SPATA1: variants seen among roughly 807,000 people sequenced by gnomAD.
SPATA1 encodes the protein spermatogenesis-associated protein 1.
In SPATA1, 57 loss-of-function variants were observed where a neutral mutation model predicts 59.6. The observed-to-expected ratio is 0.96, with a 90% CI of 0.77 to 1.19. SPATA1 has a LOEUF of 1.19. Among genes scored for constraint, SPATA1 ranks in the 50% most tolerant of loss-of-function variants. The pLI, the probability that SPATA1 is intolerant of heterozygous loss-of-function variation, is 0.00. For synonymous variants in SPATA1, 147 were observed against 163.9 expected (o/e 0.90, Z 0.79); for missense variants, 448 against 480.7 (o/e 0.93, Z 0.64).
chr1:84,560,132 AG>A (rs1482174943), intron 4 of SPATA1, among the ~76,000 whole-genome samples: 3 of 149,630 alleles, frequency 2.0e-5, no homozygotes, highest in African/African-American at 5.0e-5. Flanking sequence ...AAAGAAAGAA[AG>A]GAAAGAAAGA....
intron 6 of SPATA1, 185 bp downstream of exon 6, chr1:84,526,258 T>TTAAG: frequency 2.0e-6 from 1 of 494,766 alleles, no homozygotes; most frequent in Admixed American, 3.4e-5. Flanking sequence ...AGAAAACAAT[T>TTAAG]TAAGTACTAT....
intron 8 of SPATA1, among the ~76,000 whole-genome samples, chr1:84,534,609 T>C (rs1683599262): frequency 7.3e-6 from 1 of 137,340 alleles, no homozygotes; most frequent in Non-Finnish European, 1.5e-5. Flanking sequence ...TTTTAATAAC[T>C]ACCTACCTAA....
chr1:84,510,112 A>G (rs541355040), intron 1 of SPATA1, among the ~76,000 whole-genome samples: 1 of 152,286 alleles, frequency 6.6e-6, no homozygotes, highest in Admixed American at 6.5e-5. Flanking sequence ...GGCTGCAGTG[A>G]GCTGTGATCA....
At chr1:84,513,217 C>T (rs999561798) in intron 1 of SPATA1, among the ~76,000 whole-genome samples, 1 of 152,192 alleles carries the variant, frequency 6.6e-6, no homozygotes, top group Non-Finnish European at 1.5e-5. Flanking sequence ...CTCTCCGCAC[C>T]CTCCGTCTCC....
intron 1 of SPATA1, among the ~76,000 whole-genome samples, 153 bp from the exon 2 acceptor site, chr1:84,516,070 G>A (rs755392594): frequency 6.6e-6 from 1 of 152,108 alleles, no homozygotes; most frequent in Non-Finnish European, 1.5e-5. Flanking sequence ...TTACTTAGTT[G>A]TATAGATTTA....
Position 84,511,687 on chromosome 1 carries a change from T to TTTC in SPATA1, c.-137-4534_-137-4533insCTT, listed in dbSNP as rs1558566328. On this transcript the variant is annotated intron_variant, in intron 1 of 12. Transcript: ENST00000490879. ...TTTTTTTTTCTTTCTTTCTTTTTTT[T>TTTC]TTTTTTTTTTTGAGACAGAGTTTTG... Among the ~76,000 whole-genome samples the TTTC allele has an allele frequency of 3.8e-4, 54 of 142,238 alleles. 3 individuals carry two copies. The highest frequency in any genetic ancestry group is 2.4e-3 in the Admixed American group (33 of 13,932). 93.3% of individuals were successfully genotyped at this position (142,238 alleles called of 152,430 possible).
intron 9 of SPATA1, among the ~76,000 whole-genome samples, chr1:84,545,054 C>CA (rs984721481): frequency 3.3e-5 from 5 of 149,506 alleles, no homozygotes; most frequent in African/African-American, 1.2e-4. Context: ...ACTAAAAATA[C>CA]AAAAAAATAC....
rs960067319 is a variant in SPATA1, at chr1:84,548,781, T to C, written c.947-5T>C. ...TTTTTTTTTTTTTTTTTTTTTTTTT[T>C]ATAGCCTACAATGGTTGGAAGAAAA... On this transcript the variant is annotated splice_polypyrimidine_tract_variant and splice_region_variant and intron_variant, in intron 10 of 12. Transcript: ENST00000490879. 6.6e-6 allele frequency: 5 copies of C among 762,560 alleles called. No homozygotes were observed. The highest frequency in any genetic ancestry group is 8.3e-4 in the Middle Eastern group (2 of 2,412). The allele number at this position is 762,560 out of a possible 1,614,324, so 47.2% of individuals were successfully genotyped here. A position where few individuals can be genotyped will look rare whatever the true frequency, so the allele number is the denominator to read the frequency against.
Position 84,522,512 on chromosome 1 carries a change from G to T in SPATA1, c.261+5G>T. ...ATTGGAAATAATTTAGCTGTGGTAA[G>T]TTTTCTTTTTTTTTCTTTCTGATTG... On this transcript the variant is annotated splice_donor_5th_base_variant and intron_variant, in intron 4 of 12. Coordinates refer to ENST00000490879, the Ensembl canonical transcript of SPATA1. The T allele has an allele frequency of 4.8e-6, 7 of 1,471,118 alleles. No individual in the cohort carries two copies. Among genetic ancestry groups the T allele is most frequent in the Non-Finnish European group, 6.4e-6 (7 of 1,096,434 alleles). 91.1% of individuals were successfully genotyped at this position (1,471,118 alleles called of 1,614,324 possible). A position where few individuals can be genotyped will look rare whatever the true frequency, so the allele number is the denominator to read the frequency against.
At position 84,544,310 on chromosome 1, in the gene SPATA1, T is replaced by C. The variant is rs781234626; in HGVS notation, c.820+6T>C. On this transcript the variant is annotated splice_donor_region_variant and intron_variant, in intron 9 of 12. Transcript: ENST00000490879. Reference sequence around the variant, plus strand: ...ATCTTTATTACAAACTGAAAGTAAGTATAGTGCAATCGTAAGTACAGATGA... The same window carrying C: ...ATCTTTATTACAAACTGAAAGTAAGCATAGTGCAATCGTAAGTACAGATGA... 2 of 1,542,954 alleles carry C rather than the reference T, an allele frequency of 1.3e-6. No individual in the cohort carries two copies. Among genetic ancestry groups the C allele is most frequent in the African/African-American group, 1.4e-5 (1 of 73,256 alleles).
At chr1:84,537,955 C>A (rs1683765702) in intron 8 of SPATA1, among the ~76,000 whole-genome samples, 1 of 152,106 alleles carries the variant, frequency 6.6e-6, no homozygotes, top group Non-Finnish European at 1.5e-5. Context: ...GCAGCATGGG[C>A]AATAAGGAAT....
At chr1:84,515,632 T>TTATA (rs1243014203) in intron 1 of SPATA1, among the ~76,000 whole-genome samples, 5 of 152,084 alleles carry the variant, frequency 3.3e-5, no homozygotes, top group Non-Finnish European at 7.4e-5. Flanking sequence ...CTTATATACA[T>TTATA]TATATATTTT....
At chr1:84,560,921 T>A (rs1456944531) in intron 4 of SPATA1, among the ~76,000 whole-genome samples, 3 of 152,204 alleles carry the variant, frequency 2.0e-5, no homozygotes, top group African/African-American at 7.2e-5. Flanking sequence ...TCATTGACAA[T>A]GCACTTGGTC....
intron 2 of SPATA1, among the ~76,000 whole-genome samples, chr1:84,517,322 T>A (rs1355604759): frequency 2.6e-5 from 4 of 152,130 alleles, no homozygotes; most frequent in Non-Finnish European, 4.4e-5. Context: ...CTTTGTTCTC[T>A]TCTCTACCTG....
At chr1:84,540,707 G>C (rs1182915906) in intron 8 of SPATA1, among the ~76,000 whole-genome samples, 2 of 152,210 alleles carry the variant, frequency 1.3e-5, no homozygotes, top group African/African-American at 4.8e-5. Context: ...ATGAAGCTCA[G>C]CCTATACTAG....
At chr1:84,544,614 G>A (rs188335124) in intron 9 of SPATA1, among the ~76,000 whole-genome samples, 105 of 152,056 alleles carry the variant, frequency 6.9e-4, no homozygotes, top group Non-Finnish European at 1.3e-3. Context: ...AGGCTAGAGT[G>A]CAGTGGCGTG....
chr1:84,515,816 G>A (rs559250183), intron 1 of SPATA1, among the ~76,000 whole-genome samples: 1 of 152,200 alleles, frequency 6.6e-6, no homozygotes, highest in South Asian at 2.1e-4. Context: ...TGATATAACA[G>A]TTTTCATCAT....
rs751231839 is a variant in SPATA1, at chr1:84,544,208, G to GA, written c.729dup (p.Glu244ArgfsTer23). 6.3e-7 allele frequency: 1 copy of GA among 1,594,594 alleles called. No homozygotes were observed. Among genetic ancestry groups the GA allele is most frequent in the East Asian group, 2.2e-5 (1 of 44,498 alleles). On this transcript the variant is annotated frameshift_variant, in exon 9 of 13. Coordinates refer to ENST00000490879, the Ensembl canonical transcript of SPATA1. LOFTEE classifies it high-confidence loss of function. ...TTTTCACGTTTGCTTACAGACAGCT[G>GA]AAAAAGAGTACATCACCCTACCAGA... is the stretch of plus-strand genomic sequence containing the variant.
chr1:84,547,256 T>TA (rs1481691269), intron 10 of SPATA1, among the ~76,000 whole-genome samples: 1 of 152,230 alleles, frequency 6.6e-6, no homozygotes, highest in Non-Finnish European at 1.5e-5. Flanking sequence ...ATCTTTTACT[T>TA]AGACAAGTTA....
Sources: gnomAD v4.1 joint callset for allele counts (sites outside exome capture counted in the v4.1 genomes callset) on GRCh38, gnomAD v4.1.1 for gene constraint, MANE v1.5 for transcripts, NCBI Gene and HGNC (gene_info 2026-07-23, HGNC 2026-07-21) for gene names.